The following NT5C2 variants were observed in gnomAD, a reference collection of about 807,000 sequenced individuals.
NT5C2 encodes cytosolic purine 5'-nucleotidase.
In NT5C2, 58 loss-of-function variants were observed where a neutral mutation model predicts 76.1. That is an observed-to-expected ratio of 0.76 (90% confidence interval 0.62 to 0.95). The LOEUF (loss-of-function observed/expected upper bound fraction) is 0.95, where lower values mean the gene tolerates loss of function less well. Ranked by LOEUF, NT5C2 falls within the 40% of genes least tolerant of loss-of-function variation. The pLI, the probability that NT5C2 is intolerant of heterozygous loss-of-function variation, is 0.00. For synonymous variants in NT5C2, 229 were observed against 237.4 expected (o/e 0.96, Z 0.32); for missense variants, 478 against 690.3 (o/e 0.69, Z 3.45).
At chr10:103,192,997 G>C (rs906881701) in intron 1 of NT5C2, among the ~76,000 whole-genome samples, 2 of 152,040 alleles carry the variant, frequency 1.3e-5, no homozygotes, top group African/African-American at 2.4e-5. Flanking sequence ...CGCGGAGGAA[G>C]GGGCTGCCGT....
intron 2 of NT5C2, among the ~76,000 whole-genome samples, chr10:103,179,198 T>C (rs1322246362): frequency 6.6e-6 from 1 of 151,940 alleles, no homozygotes; most frequent in Non-Finnish European, 1.5e-5. Flanking sequence ...CTGCCCACCT[T>C]GGCCTTCCAA....
chr10:103,100,177 C>G lies in NT5C2; in HGVS notation c.540-158G>C, dbSNP rs548481700. Among the ~76,000 whole-genome samples the G allele has an allele frequency of 1.0e-3, 155 of 152,222 alleles. 2 individuals are homozygous for G. The highest frequency in any genetic ancestry group is 1.3e-4 in the Non-Finnish European group (9 of 68,016). On this transcript the variant is annotated intron_variant, in intron 8 of 18. Transcript: ENST00000404739. Reference sequence around the variant, plus strand: ...ACTCCCTAATGAAAGTCCACTTTGACCACCAGAAATGGCTATAGTGTTCAA... The same window carrying G: ...ACTCCCTAATGAAAGTCCACTTTGAGCACCAGAAATGGCTATAGTGTTCAA...
intron 3 of NT5C2, among the ~76,000 whole-genome samples, chr10:103,163,750 C>G (rs2085555104): frequency 1.3e-5 from 2 of 150,650 alleles, no homozygotes; most frequent in South Asian, 2.1e-4. Flanking sequence ...GGCATGGTGG[C>G]TCACACCTGT....
At chr10:103,105,871 AATC>A (rs1437262922) in intron 5 of NT5C2, 70 bp from the exon 6 acceptor site, 19 of 1,058,614 alleles carry the variant, frequency 1.8e-5, no homozygotes, top group Non-Finnish European at 2.6e-5. Context: ...AGTAGTATTT[AATC>A]ATCATGAACC....
At chr10:103,191,986 C>T (rs1048361680) in intron 1 of NT5C2, among the ~76,000 whole-genome samples, 1 of 151,490 alleles carries the variant, frequency 6.6e-6, no homozygotes, top group African/African-American at 2.4e-5. Context: ...TCAGCTCACA[C>T]CTATTTTTTT....
Position 103,105,390 on chromosome 10 carries a change from G to C in NT5C2, c.389+316C>G, listed in dbSNP as rs117875640. ...GAACAGCTACCTGAGAACTGTATTA[G>C]AAAGAAGAAAATAAAAATCTTAGAA... On this transcript the variant is annotated intron_variant, in intron 6 of 18. Coordinates refer to ENST00000404739, the MANE Select transcript of NT5C2 (RefSeq NM_001351169.2). 385 of 955,362 alleles carry C rather than the reference G, an allele frequency of 4.0e-4. 5 individuals are homozygous for C. In the East Asian group the frequency reaches 0.019, roughly 48 times the overall value. 59.2% of individuals were successfully genotyped at this position (955,362 alleles called of 1,614,324 possible).
chr10:103,186,850 C>A (rs1002592926), intron 1 of NT5C2, among the ~76,000 whole-genome samples: 1 of 148,228 alleles, frequency 6.7e-6, no homozygotes, highest in Non-Finnish European at 1.5e-5. Flanking sequence ...GAGATGGAGG[C>A]TGCAGTGAGC....
chr10:103,168,488 A>G (rs1376030406), intron 3 of NT5C2, among the ~76,000 whole-genome samples: 2 of 152,224 alleles, frequency 1.3e-5, no homozygotes, highest in Non-Finnish European at 2.9e-5. Context: ...AGTGATCACT[A>G]AAAGATTCTA....
intron 4 of NT5C2, among the ~76,000 whole-genome samples, chr10:103,110,296 A>T (rs1003696651): frequency 6.6e-6 from 1 of 152,130 alleles, no homozygotes. Context: ...TCTCTACTAA[A>T]AACACAAAAA....
intron 1 of NT5C2, among the ~76,000 whole-genome samples, chr10:103,183,294 T>TATATATATATATATAA (rs1297429380): frequency 1.8e-5 from 2 of 109,338 alleles, no homozygotes; most frequent in South Asian, 3.4e-4. Context: ...TATATATATA[T>TATATATATATATATAA]CACACACTCC....
intron 1 of NT5C2, among the ~76,000 whole-genome samples, chr10:103,185,271 C>A (rs10786744): frequency 0.31 from 47,219 of 151,754 alleles, 7,464 homozygotes; most frequent in Middle Eastern, 0.36. Context: ...AGGTATAAAC[C>A]AGCTGTACAA....
chr10:103,188,620 T>C (rs2092326256), intron 1 of NT5C2, among the ~76,000 whole-genome samples: 1 of 152,226 alleles, frequency 6.6e-6, no homozygotes, highest in African/African-American at 2.4e-5. Context: ...AACAGATTTA[T>C]GGGTCCAGAT....
In NT5C2 at chr10:103,090,748, C is replaced by G; in HGVS notation, c.1312G>C (p.Gly438Arg). 6.2e-7 allele frequency: 1 copy of G among 1,614,128 alleles called. No individual in the cohort carries two copies. The highest frequency in any genetic ancestry group is 1.6e-4 in the Middle Eastern group (1 of 6,062). The change falls in exon 18 of 19, where the codon GGA becomes CGA. Residue 438 changes from glycine (G) to arginine (R), a missense_variant. Physicochemically the swap from Gly to Arg is moderately radical, Grantham distance 125. Transcript: ENST00000404739. ...CGGGAGCCACTGCGAAACAGGCTTC[C>G]CATCATCCCATAGCACATGTCCATG... The part of the protein sequence containing the change: ...HDMDMCYGMM[G>R]SLFRSGSRQT...
intron 4 of NT5C2, among the ~76,000 whole-genome samples, chr10:103,107,747 C>T (rs2071706102): frequency 6.6e-6 from 1 of 151,922 alleles, no homozygotes; most frequent in Non-Finnish European, 1.5e-5. Context: ...GAGTTTGTTA[C>T]AGGTCAAATA....
intron 3 of NT5C2, among the ~76,000 whole-genome samples, chr10:103,166,032 T>G (rs761796370): frequency 4.6e-5 from 7 of 152,226 alleles, no homozygotes; most frequent in Non-Finnish European, 7.3e-5. Context: ...TCACACGCAG[T>G]TGAGTAAGAA....
In NT5C2 at chr10:103,168,383, C is replaced by A. The variant is rs186904607; in HGVS notation, c.101+6475G>T. Among the ~76,000 whole-genome samples the A allele has an allele frequency of 7.9e-5, 12 of 152,298 alleles. No homozygotes were observed. In the East Asian group the frequency reaches 2.3e-3, roughly 29 times the overall value. On this transcript the variant is annotated intron_variant, in intron 3 of 18. Transcript: ENST00000404739. ...GCTTTACAAACGTAAAAACTAAATA[C>A]CTGACTTCGGTATCCTGGGCACAGT...
At chr10:103,090,477 A>G (rs2066480708) in intron 18 of NT5C2, 134 bp downstream of exon 18, 19 of 709,698 alleles carry the variant, frequency 2.7e-5, no homozygotes, top group Non-Finnish European at 4.1e-5. Context: ...CTTCTTATGC[A>G]ACCATATAAC....
rs768979537 is a variant in NT5C2, at chr10:103,098,920, A to C, written c.687+11T>G. The C allele has an allele frequency of 1.3e-6, 2 of 1,580,978 alleles. No individual in the cohort carries two copies. Among genetic ancestry groups the C allele is most frequent in the African/African-American group, 2.7e-5 (2 of 74,372 alleles). ...CTATTATGCAGATCTATTTTCCCCT[A>C]TATTACTTACATCTTTGACTACATA... is the stretch of plus-strand genomic sequence containing the variant. On this transcript the variant is annotated intron_variant, in intron 10 of 18. Coordinates refer to ENST00000404739, the MANE Select transcript of NT5C2 (RefSeq NM_001351169.2).
chr10:103,126,273 T>C (rs762730471), intron 4 of NT5C2, among the ~76,000 whole-genome samples: 2 of 152,202 alleles, frequency 1.3e-5, no homozygotes, highest in Non-Finnish European at 2.9e-5. Context: ...AGAACGTCGC[T>C]AAAGTAATTT....
Sources: allele counts gnomAD v4.1 joint callset (sites outside exome capture counted in the v4.1 genomes callset), GRCh38; gene constraint gnomAD v4.1.1; transcripts MANE v1.5; gene names NCBI Gene and HGNC (gene_info 2026-07-23, HGNC 2026-07-21).